Variants in SGCD observed in about 807,000 individuals in gnomAD.
SGCD encodes the protein sarcoglycan delta.
Under a neutral mutation model 36.6 loss-of-function variants are expected in SGCD, and 18 were observed. The ratio of observed to expected loss-of-function variants is 0.49; its 90% confidence interval spans 0.34 to 0.73. The LOEUF is 0.73. Ranked by LOEUF, SGCD falls within the 30% of genes least tolerant of loss-of-function variation. SGCD has a pLI of 0.01. For synonymous variants in SGCD, 133 were observed against 130.6 expected (o/e 1.02, Z -0.12); for missense variants, 387 against 346.7 (o/e 1.12, Z -0.92).
At chr5:155,929,714 T>A (rs1757065362) in intron 1 of SGCD, among the ~76,000 whole-genome samples, 1 of 152,338 alleles carries the variant, frequency 6.6e-6, no homozygotes, top group East Asian at 1.9e-4. Context: ...AAAGATCTTT[T>A]TAAAAAGTTA....
the SGCD span, among the ~76,000 whole-genome samples, chr5:155,812,933 A>C: frequency 6.6e-6 from 1 of 152,166 alleles, no homozygotes; most frequent in African/African-American, 2.4e-5. Context: ...GAGGAAAGTG[A>C]TGCTTTAAAT....
intron 1 of SGCD, among the ~76,000 whole-genome samples, chr5:155,996,689 G>T (rs941764126): frequency 6.7e-6 from 1 of 149,818 alleles, no homozygotes; most frequent in Non-Finnish European, 1.5e-5. Context: ...TGAAGCAGAA[G>T]AATCACTTGA....
At chr5:156,718,940 G>C (rs1483814655) in intron 7 of SGCD, among the ~76,000 whole-genome samples, 1 of 151,810 alleles carries the variant, frequency 6.6e-6, no homozygotes, top group African/African-American at 2.4e-5. Context: ...CAAACTCTTT[G>C]CTCTACCTGT....
chr5:156,508,806 T>C (rs1051054063), intron 4 of SGCD, 104 bp downstream of exon 4: 2 of 615,140 alleles, frequency 3.3e-6, no homozygotes, highest in Admixed American at 3.1e-5. Context: ...GGGTGGGGAG[T>C]AATACTGGTA....
intron 4 of SGCD, among the ~76,000 whole-genome samples, chr5:156,515,966 C>G (rs1757139637): frequency 6.6e-6 from 1 of 152,242 alleles, no homozygotes; most frequent in Non-Finnish European, 1.5e-5. Context: ...GGCAGGGCCT[C>G]CCTGTGGGAA....
intron 7 of SGCD, among the ~76,000 whole-genome samples, chr5:156,718,108 C>T (rs11749404): frequency 0.081 from 12,318 of 152,188 alleles, 680 homozygotes; most frequent in Non-Finnish European, 0.12. Context: ...TCCAAAGATG[C>T]TTACTGTTCA....
At chr5:156,614,140 T>C (rs976672175) in intron 6 of SGCD, among the ~76,000 whole-genome samples, 1 of 152,190 alleles carries the variant, frequency 6.6e-6, no homozygotes, top group Non-Finnish European at 1.5e-5. Flanking sequence ...AGAGATGGTT[T>C]CACCACGTTG....
chr5:156,318,193 T>G (rs963124875), intron 3 of SGCD, among the ~76,000 whole-genome samples: 1 of 152,166 alleles, frequency 6.6e-6, no homozygotes, highest in African/African-American at 2.4e-5. Context: ...GCATGAGAAA[T>G]AGTATCACAT....
chr5:155,843,936 C>T, the SGCD span, among the ~76,000 whole-genome samples: 1 of 152,212 alleles, frequency 6.6e-6, no homozygotes, highest in Admixed American at 6.5e-5. Flanking sequence ...CAGAGTATTG[C>T]TCAAGCTAAC....
chr5:156,221,418 A>T (rs1764712818), intron 3 of SGCD, among the ~76,000 whole-genome samples: 1 of 152,154 alleles, frequency 6.6e-6, no homozygotes. Context: ...TTAAAGTTAA[A>T]CAGATAAGAA....
At chr5:155,980,885 GAA>G (rs1758214877) in intron 1 of SGCD, among the ~76,000 whole-genome samples, 1 of 146,220 alleles carries the variant, frequency 6.8e-6, no homozygotes, top group African/African-American at 2.6e-5. Flanking sequence ...TTTAAGCCAA[GAA>G]AGAAGAATTG....
intron 7 of SGCD, among the ~76,000 whole-genome samples, chr5:156,747,196 C>T (rs767615278): frequency 7.9e-5 from 12 of 152,136 alleles, no homozygotes; most frequent in Non-Finnish European, 1.5e-4. Flanking sequence ...TAAAAAGACC[C>T]TCAACATCAA....
intron 3 of SGCD, among the ~76,000 whole-genome samples, chr5:156,203,397 C>A (rs376921107): frequency 6.6e-6 from 1 of 151,948 alleles, no homozygotes; most frequent in African/African-American, 2.4e-5. Context: ...CTATGTAGTT[C>A]GATATTTGAG....
At chr5:156,336,329 C>T (rs207466495) in intron 2 of SGCD, among the ~76,000 whole-genome samples, 5 of 152,194 alleles carry the variant, frequency 3.3e-5, no homozygotes, top group African/African-American at 1.2e-4. Flanking sequence ...ATCTCTTAAA[C>T]AGGAACTCCT....
chr5:155,768,327 G>A, the SGCD span, among the ~76,000 whole-genome samples: 9 of 149,770 alleles, frequency 6.0e-5, no homozygotes, highest in Non-Finnish European at 1.3e-4. Context: ...AAATAGTTTT[G>A]TTGTGTGGCT....
At chr5:156,281,239 T>C (rs1296869312) in intron 3 of SGCD, among the ~76,000 whole-genome samples, 2 of 152,304 alleles carry the variant, frequency 1.3e-5, no homozygotes, top group East Asian at 1.9e-4. Flanking sequence ...TCATAAGCCT[T>C]GGTTCCTGAT....
the SGCD span, among the ~76,000 whole-genome samples, chr5:155,739,793 T>TA: frequency 6.6e-6 from 1 of 150,442 alleles, no homozygotes; most frequent in African/African-American, 2.4e-5. Flanking sequence ...TGAAATTTGT[T>TA]AAAGGAGCAA....
At chr5:156,046,395 C>G (rs909619073) in intron 1 of SGCD, among the ~76,000 whole-genome samples, 1 of 151,966 alleles carries the variant, frequency 6.6e-6, no homozygotes, top group Non-Finnish European at 1.5e-5. Context: ...TTGCTTTATT[C>G]TGCTTCACAG....
chr5:156,204,018 T>G (rs1372891458), intron 3 of SGCD, among the ~76,000 whole-genome samples: 1 of 152,160 alleles, frequency 6.6e-6, no homozygotes. Context: ...CAAACTTATA[T>G]TCCAGTGGCT....
Sources: allele counts gnomAD v4.1 joint callset (sites outside exome capture counted in the v4.1 genomes callset), GRCh38; gene constraint gnomAD v4.1.1; transcripts MANE v1.5; gene names NCBI Gene and HGNC (gene_info 2026-07-23, HGNC 2026-07-21).